Variants in PCED1B observed in about 807,000 individuals in gnomAD.
PCED1B encodes PC-esterase domain containing 1B.
For missense variants in PCED1B, 573 were observed against 573.9 expected (o/e 1.00, Z 0.02); for synonymous variants, 251 against 246.1 (o/e 1.02, Z -0.19).
At chr12:47,133,544 A>C (rs1038238275) in intron 2 of PCED1B, among the ~76,000 whole-genome samples, 2 of 152,174 alleles carry the variant, frequency 1.3e-5, no homozygotes, top group Non-Finnish European at 2.9e-5. Flanking sequence ...ATGTGGGTTC[A>C]AGCCTGATAA....
intron 2 of PCED1B, among the ~76,000 whole-genome samples, chr12:47,159,346 T>TAG (rs1364493363): frequency 6.6e-6 from 1 of 152,210 alleles, no homozygotes; most frequent in Non-Finnish European, 1.5e-5. Flanking sequence ...ATGGCTGTAC[T>TAG]AATTGATATT....
At chr12:47,094,798 T>C (rs1251789597) in intron 1 of PCED1B, among the ~76,000 whole-genome samples, 2 of 152,170 alleles carry the variant, frequency 1.3e-5, no homozygotes, top group Non-Finnish European at 2.9e-5. Flanking sequence ...TAATCAATAG[T>C]GACTTACAAA....
At position 47,235,295 on chromosome 12, in the gene PCED1B, G is replaced by C; in HGVS notation, c.232G>C (p.Glu78Gln). 6.2e-7 allele frequency: 1 copy of C among 1,614,072 alleles called. No homozygotes were observed. The highest frequency in any genetic ancestry group is 8.5e-7 in the Non-Finnish European group (1 of 1,180,046). The stretch of plus-strand genomic sequence containing the variant: ...CATGCACAACGGCCTTAACTACCGT[G>C]AGGTCCGCGAGTTCCGCTCCGACCA... ...GHMHNGLNYR[E>Q]VREFRSDHHL... Residue 78 changes from glutamate to glutamine, a missense_variant, in exon 4 of 4, where the codon GAG becomes CAG. Glu to Gln is a conservative substitution (Grantham distance 29). Transcript: ENST00000546455.
chr12:47,217,386 G>T (rs1316736735), intron 3 of PCED1B, among the ~76,000 whole-genome samples: 2 of 140,774 alleles, frequency 1.4e-5, no homozygotes, highest in African/African-American at 5.9e-5. Flanking sequence ...GCAACAGAGT[G>T]AGACAAGAAA....
At chr12:47,233,974 T>TTTTTG (rs928540312) in intron 3 of PCED1B, among the ~76,000 whole-genome samples, 2 of 152,100 alleles carry the variant, frequency 1.3e-5, no homozygotes, top group African/African-American at 4.8e-5. Flanking sequence ...TTAGGGGTTT[T>TTTTTG]TTTTGTTTTG....
intron 2 of PCED1B, among the ~76,000 whole-genome samples, chr12:47,141,791 A>G (rs1940602488): frequency 6.6e-6 from 1 of 152,088 alleles, no homozygotes; most frequent in Admixed American, 6.5e-5. Flanking sequence ...ATGTCACTAG[A>G]GGCAGACTCA....
chr12:47,122,671 T>C (rs1204122839), intron 2 of PCED1B, among the ~76,000 whole-genome samples: 1 of 152,214 alleles, frequency 6.6e-6, no homozygotes, highest in African/African-American at 2.4e-5. Context: ...ATCTTTTCTG[T>C]AGGCTATAGT....
intron 2 of PCED1B, among the ~76,000 whole-genome samples, chr12:47,167,888 C>T (rs1941596814): frequency 6.6e-6 from 1 of 152,154 alleles, no homozygotes; most frequent in Non-Finnish European, 1.5e-5. Flanking sequence ...CATTGCTCTC[C>T]TAAGGCCCAG....
intron 2 of PCED1B, among the ~76,000 whole-genome samples, chr12:47,152,177 G>A (rs1284433098): frequency 2.0e-5 from 3 of 152,108 alleles, no homozygotes; most frequent in South Asian, 2.1e-4. Flanking sequence ...ATGAGAAATA[G>A]GATATTTGCA....
intron 2 of PCED1B, among the ~76,000 whole-genome samples, chr12:47,117,346 C>A (rs182092129): frequency 1.7e-4 from 26 of 152,286 alleles, no homozygotes; most frequent in East Asian, 3.9e-4. Flanking sequence ...ATCCCTCCCC[C>A]CTACCTCCAC....
chr12:47,168,609 A>C (rs775150377), intron 2 of PCED1B, among the ~76,000 whole-genome samples: 12 of 151,952 alleles, frequency 7.9e-5, no homozygotes, highest in Non-Finnish European at 1.6e-4. Context: ...TTTACTTTTC[A>C]GCTCTTAATC....
At chr12:47,225,772 C>T (rs1419867383) in intron 3 of PCED1B, among the ~76,000 whole-genome samples, 3 of 152,060 alleles carry the variant, frequency 2.0e-5, no homozygotes, top group Non-Finnish European at 2.9e-5. Flanking sequence ...AAGTACTTCC[C>T]ACAATGAATC....
chr12:47,087,289 C>T (rs1376608636), intron 1 of PCED1B, among the ~76,000 whole-genome samples: 4 of 152,178 alleles, frequency 2.6e-5, no homozygotes, highest in African/African-American at 9.7e-5. Flanking sequence ...TTATAAAGGG[C>T]TTCAGAGATG....
Position 47,236,500 on chromosome 12 carries a change from C to T in PCED1B, c.*138C>T. On this transcript the variant is annotated 3_prime_UTR_variant, in exon 4 of 4. Coordinates refer to ENST00000546455, the MANE Select transcript of PCED1B (RefSeq NM_138371.3). ...TGCCTCGTCTTCCTTTTGTTCATTGCTGTTACCAAGAAAGCCAAGGAAGAG... is the reference window on the plus strand; with the variant it reads ...TGCCTCGTCTTCCTTTTGTTCATTGTTGTTACCAAGAAAGCCAAGGAAGAG... 4.4e-6 allele frequency: 4 copies of T among 915,768 alleles called. No individual in the cohort carries two copies. The highest frequency in any genetic ancestry group is 2.8e-5 in the East Asian group (1 of 35,496). 56.7% of individuals were successfully genotyped at this position (915,768 alleles called of 1,614,324 possible). A position where few individuals can be genotyped will look rare whatever the true frequency, so the allele number is the denominator to read the frequency against.
At chr12:47,174,179 A>G (rs1250694927) in intron 2 of PCED1B, among the ~76,000 whole-genome samples, 2 of 151,990 alleles carry the variant, frequency 1.3e-5, no homozygotes, top group African/African-American at 4.8e-5. Context: ...AAGTCGGAGG[A>G]GGGTGGATCA....
intron 2 of PCED1B, among the ~76,000 whole-genome samples, chr12:47,213,457 C>G (rs899484522): frequency 5.9e-5 from 9 of 152,118 alleles, no homozygotes; most frequent in Non-Finnish European, 1.2e-4. Context: ...CACGAGCCAG[C>G]TGAAATTAAT....
Position 47,217,458 on chromosome 12 carries a change from A to G in PCED1B, c.-58+769A>G, listed in dbSNP as rs12816582. ...AAAAAAAGAAAGAAAGAAAGAAAGA[A>G]AAAGAAAGAAAGAGAAAGAAAGAAA... is the stretch of plus-strand genomic sequence containing the variant. On this transcript the variant is annotated intron_variant, in intron 3 of 3. Coordinates refer to ENST00000546455, the MANE Select transcript of PCED1B (RefSeq NM_138371.3). Among the ~76,000 whole-genome samples the G allele has an allele frequency of 7.0e-3, 697 of 100,048 alleles. 26 individuals carry two copies. Among genetic ancestry groups the G allele is most frequent in the African/African-American group, 0.019 (316 of 17,064 alleles). The allele number at this position is 100,048 out of a possible 152,430, so 65.6% of individuals were successfully genotyped here. A position where few individuals can be genotyped will look rare whatever the true frequency, so the allele number is the denominator to read the frequency against.
intron 1 of PCED1B, among the ~76,000 whole-genome samples, chr12:47,082,392 AAGG>A (rs1264047769): frequency 6.6e-6 from 1 of 152,218 alleles, no homozygotes; most frequent in Non-Finnish European, 1.5e-5. Flanking sequence ...TCTTAAAAAA[AAGG>A]AGAAGAAAGA....
chr12:47,084,264 G>T (rs1350321004), intron 1 of PCED1B, among the ~76,000 whole-genome samples: 1 of 152,160 alleles, frequency 6.6e-6, no homozygotes, highest in Non-Finnish European at 1.5e-5. Context: ...AATTGCTCAT[G>T]GAATTCATTG....
Sources: gnomAD v4.1 joint callset for allele counts (sites outside exome capture counted in the v4.1 genomes callset) on GRCh38, gnomAD v4.1.1 for gene constraint, MANE v1.5 for transcripts, NCBI Gene and HGNC (gene_info 2026-07-23, HGNC 2026-07-21) for gene names.